Variants in ULK4 observed in about 807,000 individuals in gnomAD.
The protein encoded by ULK4 is inactive serine/threonine-protein kinase ULK4.
Under a neutral mutation model 160.6 loss-of-function variants are expected in ULK4, and 133 were observed. That is an observed-to-expected ratio of 0.83 (90% CI 0.72 to 0.96). The LOEUF is 0.96. ULK4 is among the 40% of genes least tolerant of loss of function. The probability of loss-of-function intolerance (pLI) is 0.00; values close to 1 mark genes in which losing one functional copy is unlikely to be tolerated. For missense variants in ULK4, 1,580 were observed against 1,499.5 expected, an observed-to-expected ratio of 1.05 and a Z score of -0.89; for synonymous variants, 534 against 539.8, an observed-to-expected ratio of 0.99 and a Z score of 0.15.
At chr3:41,607,954 C>G (rs991246975) in intron 31 of ULK4, among the ~76,000 whole-genome samples, 1 of 152,100 alleles carries the variant, frequency 6.6e-6, no homozygotes, top group Non-Finnish European at 1.5e-5. Context: ...GGAGAACATC[C>G]GCTAGCTATA....
chr3:41,775,135 T>C (rs1304718487), intron 21 of ULK4, among the ~76,000 whole-genome samples: 16 of 149,512 alleles, frequency 1.1e-4, no homozygotes, highest in Admixed American at 2.0e-4. Context: ...GACCAGTTAA[T>C]GGGTGCAGCA....
Position 41,506,767 on chromosome 3 carries a change from A to AAAAAATATAT in ULK4, c.3227-43515_3227-43514insATATATTTTT. ...AGCAATACACTGGAGTGTGATTTAA[A>AAAAAATATAT]ATATATATATATATATATATATATA... is the stretch of plus-strand genomic sequence containing the variant. On this transcript the variant is annotated intron_variant, in intron 32 of 36. Transcript: ENST00000301831. Among the ~76,000 whole-genome samples, 2 of 56,766 alleles carry AAAAAATATAT rather than the reference A, an allele frequency of 3.5e-5. 1 individual carries two copies. Among genetic ancestry groups the AAAAAATATAT allele is most frequent in the African/African-American group, 1.6e-4 (2 of 12,210 alleles). The allele number at this position is 56,766 out of a possible 152,430, so 37.2% of individuals were successfully genotyped here.
At chr3:41,450,087 G>A (rs1483333410) in intron 34 of ULK4, among the ~76,000 whole-genome samples, 1 of 151,718 alleles carries the variant, frequency 6.6e-6, no homozygotes, top group Non-Finnish European at 1.5e-5. Flanking sequence ...TTAATTAAGG[G>A]ACAAGCAGGC....
intron 18 of ULK4, among the ~76,000 whole-genome samples, chr3:41,823,298 G>T (rs944823506): frequency 1.3e-5 from 2 of 152,158 alleles, no homozygotes; most frequent in Non-Finnish European, 2.9e-5. Context: ...CTGTGGGGAG[G>T]TCAGTATAGC....
chr3:41,483,715 T>C (rs1356028207), intron 32 of ULK4, among the ~76,000 whole-genome samples: 1 of 152,176 alleles, frequency 6.6e-6, no homozygotes, highest in African/African-American at 2.4e-5. Context: ...TGATCTTACA[T>C]GGGAAAAGGG....
At chr3:41,567,662 A>C (rs1216903411) in intron 31 of ULK4, among the ~76,000 whole-genome samples, 1 of 151,610 alleles carries the variant, frequency 6.6e-6, no homozygotes, top group Non-Finnish European at 1.5e-5. Flanking sequence ...ACAGGGTTTG[A>C]CTGTGTTGGC....
At chr3:41,598,574 T>C (rs1172446571) in intron 31 of ULK4, among the ~76,000 whole-genome samples, 2 of 152,134 alleles carry the variant, frequency 1.3e-5, no homozygotes, top group African/African-American at 4.8e-5. Flanking sequence ...GGGAACAGCA[T>C]TAGAAAAAAA....
intron 34 of ULK4, among the ~76,000 whole-genome samples, chr3:41,436,162 A>C (rs1004317427): frequency 2.0e-5 from 3 of 152,200 alleles, no homozygotes; most frequent in African/African-American, 7.2e-5. Context: ...ACTTTATTAT[A>C]AAACAGCTTT....
intron 6 of ULK4, 28 bp from the exon 7 acceptor site, chr3:41,918,568 GA>G (rs763217516): frequency 1.0e-5 from 11 of 1,098,172 alleles, no homozygotes; most frequent in Non-Finnish European, 1.4e-5. Context: ...CTTGCAAAAT[GA>G]AAGAAGTCTG....
At chr3:41,478,368 T>C (rs372197020) in intron 32 of ULK4, among the ~76,000 whole-genome samples, 2 of 152,066 alleles carry the variant, frequency 1.3e-5, no homozygotes, top group African/African-American at 4.8e-5. Context: ...GGAAAGTCTC[T>C]GTATTCAGTA....
chr3:41,725,720 T>C (rs1412085223), intron 22 of ULK4, among the ~76,000 whole-genome samples: 2 of 152,224 alleles, frequency 1.3e-5, no homozygotes, highest in African/African-American at 4.8e-5. Context: ...ATTCATATCA[T>C]CTTGTCTCCT....
At position 41,535,099 on chromosome 3, in the gene ULK4, G is replaced by A. The variant is rs150873817; in HGVS notation, c.3226+30926C>T. On this transcript the variant is annotated intron_variant, in intron 32 of 36. Coordinates refer to ENST00000301831, the MANE Select transcript of ULK4 (RefSeq NM_017886.4). The stretch of plus-strand genomic sequence containing the variant: ...TTTCAACTAAGATTTATCAATGCTT[G>A]CCTTTTCCCACAACCTTTGTTTCAT... Among the ~76,000 whole-genome samples the A allele has an allele frequency of 7.2e-5, 11 of 152,186 alleles. No individual in the cohort carries two copies. In the East Asian group the frequency reaches 2.1e-3, roughly 29 times the overall value.
chr3:41,566,764 C>A (rs761775928), intron 31 of ULK4, among the ~76,000 whole-genome samples: 10 of 152,188 alleles, frequency 6.6e-5, no homozygotes, highest in Non-Finnish European at 1.5e-4. Flanking sequence ...GTCTTACAAA[C>A]AACTTGCTTT....
intron 21 of ULK4, among the ~76,000 whole-genome samples, chr3:41,780,213 T>C (rs1035386294): frequency 2.0e-4 from 30 of 151,114 alleles, no homozygotes; most frequent in African/African-American, 7.3e-4. Flanking sequence ...CCCTGGAAGG[T>C]GGAAAGACAG....
intron 5 of ULK4, among the ~76,000 whole-genome samples, chr3:41,922,631 G>C (rs1003236675): frequency 6.6e-6 from 1 of 151,382 alleles, no homozygotes; most frequent in African/African-American, 2.4e-5. Context: ...GTGGCAAGGT[G>C]GGGGGTGAGG....
chr3:41,412,195 TA>T (rs1394722173), intron 34 of ULK4, among the ~76,000 whole-genome samples: 1 of 152,096 alleles, frequency 6.6e-6, no homozygotes, highest in Non-Finnish European at 1.5e-5. Context: ...TATAATAGCA[TA>T]AAAAAATTTG....
intron 32 of ULK4, among the ~76,000 whole-genome samples, chr3:41,491,790 TTAC>T: frequency 6.8e-6 from 1 of 146,384 alleles, no homozygotes; most frequent in South Asian, 2.2e-4. Context: ...TGCAGGTTAG[TTAC>T]ATATGTATAC....
intron 34 of ULK4, among the ~76,000 whole-genome samples, chr3:41,399,906 C>T (rs2371492): frequency 0.58 from 87,488 of 152,146 alleles, 26,728 homozygotes; most frequent in African/African-American, 0.81. Context: ...TACCCAATCA[C>T]GCCCATGTTT....
chr3:41,810,714 G>C (rs1313908750), intron 19 of ULK4, among the ~76,000 whole-genome samples: 2 of 152,154 alleles, frequency 1.3e-5, no homozygotes, highest in Non-Finnish European at 2.9e-5. Flanking sequence ...ATATAAAATT[G>C]ACCATTCTAA....
Sources: allele counts gnomAD v4.1 joint callset (sites outside exome capture counted in the v4.1 genomes callset), GRCh38; gene constraint gnomAD v4.1.1; transcripts MANE v1.5; gene names NCBI Gene and HGNC (gene_info 2026-07-23, HGNC 2026-07-21).